Variants in MACROD2 observed in about 807,000 individuals in gnomAD.
MACROD2 encodes mono-ADP ribosylhydrolase 2, also known as ADP-ribose glycohydrolase MACROD2.
In MACROD2, 36 loss-of-function variants were observed where a neutral mutation model predicts 70.4. That is an observed-to-expected ratio of 0.51 (90% CI 0.39 to 0.68). MACROD2 has a LOEUF of 0.68. MACROD2 is among the 30% of genes least tolerant of loss of function. The probability of loss-of-function intolerance (pLI) is 0.00; values close to 1 mark genes in which losing one functional copy is unlikely to be tolerated. For synonymous variants in MACROD2, 172 were observed against 178.8 expected, an observed-to-expected ratio of 0.96 and a Z score of 0.30; for missense variants, 496 against 538.4, an observed-to-expected ratio of 0.92 and a Z score of 0.78.
At chr20:15,839,301 C>T (rs1270753999) in intron 8 of MACROD2, among the ~76,000 whole-genome samples, 1 of 152,000 alleles carries the variant, frequency 6.6e-6, no homozygotes, top group African/African-American at 2.4e-5. Context: ...AACCATTGGC[C>T]CCCGTTCTCA....
At chr20:15,929,577 C>T (rs2065542890) in intron 10 of MACROD2, among the ~76,000 whole-genome samples, 1 of 152,184 alleles carries the variant, frequency 6.6e-6, no homozygotes. Flanking sequence ...GAAGAAAAGA[C>T]AGCAGTATAC....
chr20:14,126,235 T>G (rs11905096), intron 3 of MACROD2, among the ~76,000 whole-genome samples: 26,611 of 152,232 alleles, frequency 0.17, 2,510 homozygotes, highest in South Asian at 0.23. Flanking sequence ...GGCTGCCCTC[T>G]TGCTATGGCA....
chr20:14,714,488 A>G (rs1406987660), intron 5 of MACROD2, among the ~76,000 whole-genome samples: 1 of 152,152 alleles, frequency 6.6e-6, no homozygotes, highest in Non-Finnish European at 1.5e-5. Context: ...CCATAAATAT[A>G]TTCTTATTTT....
chr20:15,325,016 T>C (rs2077912864), intron 6 of MACROD2, among the ~76,000 whole-genome samples: 1 of 141,632 alleles, frequency 7.1e-6, no homozygotes, highest in South Asian at 2.5e-4. Flanking sequence ...TGTTCATCTT[T>C]GGACTTACTG....
chr20:14,338,226 A>G (rs892583707), intron 3 of MACROD2, among the ~76,000 whole-genome samples: 7 of 152,182 alleles, frequency 4.6e-5, no homozygotes, highest in Admixed American at 3.9e-4. Flanking sequence ...ACATGTAGAA[A>G]AAATTAGCTG....
At chr20:15,669,066 A>AAT (rs1277857143) in intron 8 of MACROD2, among the ~76,000 whole-genome samples, 3 of 152,220 alleles carry the variant, frequency 2.0e-5, no homozygotes, top group Admixed American at 1.3e-4. Flanking sequence ...GACCTAAAAC[A>AAT]ATATATACTC....
At position 15,308,884 on chromosome 20, in the gene MACROD2, T is replaced by G. The variant is rs1401996056; in HGVS notation, c.540+78823T>G. Among the ~76,000 whole-genome samples, 5 of 152,284 alleles carry G rather than the reference T, an allele frequency of 3.3e-5. No individual in the cohort carries two copies. The South Asian group carries it at 1.0e-3, about 32-fold the overall frequency. ...ACTGAATCATTTGGGTCAGACTGGC[T>G]TGACTGGGCCTCCTTGTGCTTTGCT... On this transcript the variant is annotated intron_variant, in intron 6 of 17. Transcript: ENST00000684519.
chr20:15,154,739 G>T lies in MACROD2; in HGVS notation c.419-75201G>T, dbSNP rs143483135. ...CATAAGGGCTCCACCCTCAGGGCTC[G>T]ATCACTTCCCAAAGGCTCCACCTCC... On this transcript the variant is annotated intron_variant, in intron 5 of 17. Coordinates refer to ENST00000684519, the MANE Select transcript of MACROD2 (RefSeq NM_001351661.2). Among the ~76,000 whole-genome samples, 194 of 152,308 alleles carry T rather than the reference G, an allele frequency of 1.3e-3. 2 individuals are homozygous for T. Among genetic ancestry groups the T allele is most frequent in the East Asian group, 1.5e-3 (8 of 5,180 alleles).
chr20:14,310,279 C>G (rs1018781058), intron 3 of MACROD2, among the ~76,000 whole-genome samples: 1 of 152,074 alleles, frequency 6.6e-6, no homozygotes, highest in African/African-American at 2.4e-5. Context: ...AAGAACCAGA[C>G]CTCTTGATTA....
intron 7 of MACROD2, among the ~76,000 whole-genome samples, chr20:15,440,903 C>T (rs1315126969): frequency 6.6e-6 from 1 of 152,198 alleles, no homozygotes; most frequent in African/African-American, 2.4e-5. Context: ...AATCTCTGCT[C>T]TGGCAACCTA....
At chr20:14,334,519 G>C (rs746230416) in intron 3 of MACROD2, among the ~76,000 whole-genome samples, 12 of 152,164 alleles carry the variant, frequency 7.9e-5, no homozygotes, top group East Asian at 1.9e-4. Flanking sequence ...TTGCCCACTG[G>C]GGGGTGGTAC....
At chr20:15,549,719 A>G (rs2048070329) in intron 8 of MACROD2, among the ~76,000 whole-genome samples, 1 of 152,158 alleles carries the variant, frequency 6.6e-6, no homozygotes, top group African/African-American at 2.4e-5. Context: ...GTCATATCCT[A>G]TAATCGAAGC....
intron 4 of MACROD2, among the ~76,000 whole-genome samples, chr20:14,532,218 CTTTT>C (rs1170533352): frequency 1.5e-5 from 2 of 131,458 alleles, no homozygotes; most frequent in South Asian, 2.3e-4. Context: ...TATAACTAAT[CTTTT>C]TTTTTTTTTT....
At chr20:14,141,396 A>G (rs1323302552) in intron 3 of MACROD2, among the ~76,000 whole-genome samples, 1 of 152,120 alleles carries the variant, frequency 6.6e-6, no homozygotes, top group African/African-American at 2.4e-5. Flanking sequence ...TGGTCTTAAC[A>G]TTTGCCTTTC....
At chr20:15,084,072 G>GTTTTTGTTTTT (rs760667936) in intron 5 of MACROD2, among the ~76,000 whole-genome samples, 1 of 31,776 alleles carries the variant, frequency 3.1e-5, no homozygotes, top group African/African-American at 8.7e-5. Context: ...TTTTTTTTTT[G>GTTTTTGTTTTT]TTTTTTTTTT....
At chr20:15,640,538 T>C (rs2049444212) in intron 8 of MACROD2, among the ~76,000 whole-genome samples, 1 of 152,236 alleles carries the variant, frequency 6.6e-6, no homozygotes, top group African/African-American at 2.4e-5. Context: ...TGGTTCTATC[T>C]GCCGTTACAC....
chr20:14,480,858 C>T (rs1203655455), intron 3 of MACROD2, among the ~76,000 whole-genome samples: 1 of 152,076 alleles, frequency 6.6e-6, no homozygotes. Flanking sequence ...TTTATACTTA[C>T]AGTCGATATA....
intron 6 of MACROD2, among the ~76,000 whole-genome samples, chr20:15,346,169 C>G (rs4813180): frequency 6.6e-6 from 1 of 151,812 alleles, no homozygotes; most frequent in African/African-American, 2.4e-5. Flanking sequence ...TCACTGCATC[C>G]TCAAACTTCT....
In MACROD2 at chr20:15,855,633, CA is replaced by C. The variant is rs2064348379; in HGVS notation, c.646-7106del. Among the ~76,000 whole-genome samples, 3 of 152,270 alleles carry C rather than the reference CA, an allele frequency of 2.0e-5. No homozygotes were observed. The South Asian group carries it at 6.2e-4, about 32-fold the overall frequency. ...ACATCCAGGGAGCCAGCATCCAGAT[CA>C]AAAAACCAGGATCCCAGGCATTTCC... On this transcript the variant is annotated intron_variant, in intron 8 of 17. Transcript: ENST00000684519.
Sources: gnomAD v4.1 joint callset for allele counts (sites outside exome capture counted in the v4.1 genomes callset) on GRCh38, gnomAD v4.1.1 for gene constraint, MANE v1.5 for transcripts, NCBI Gene and HGNC (gene_info 2026-07-23, HGNC 2026-07-21) for gene names.